The following LY6H variants were observed in gnomAD, a reference collection of about 807,000 sequenced individuals.
The protein encoded by LY6H is lymphocyte antigen 6 family member H, also known as lymphocyte antigen 6H.
In LY6H, 8 loss-of-function variants were observed where a neutral mutation model predicts 14.6. The observed-to-expected ratio is 0.55, with a 90% confidence interval of 0.32 to 0.99. The LOEUF (loss-of-function observed/expected upper bound fraction) is 0.99. Among genes scored for constraint, LY6H ranks in the 50% least tolerant of loss-of-function variants. The pLI is 0.04. For synonymous variants in LY6H, 115 were observed against 97.2 expected (o/e 1.18, Z -1.08); for missense variants, 196 against 219.6 (o/e 0.89, Z 0.68).
chr8:143,159,881 G>T, intron 1 of LY6H, 172 bp from the exon 2 acceptor site: 3 of 1,144,398 alleles, frequency 2.6e-6, no homozygotes, highest in Admixed American at 4.2e-5. Flanking sequence ...GCCGGGAGAC[G>T]TCTGGCCTCT....
chr8:143,158,125 A>G lies in LY6H; in HGVS notation c.*125T>C. On this transcript the variant is annotated 3_prime_UTR_variant, in exon 4 of 4. Coordinates refer to ENST00000342752, the MANE Select transcript of LY6H (RefSeq NM_001135655.2). ...GGCTTCACGTCGGGGGAGGAGTGAG[A>G]GCCACAGGCCACAGCCACGGAGCTG... is the stretch of plus-strand genomic sequence containing the variant. 1.6e-6 allele frequency: 1 copy of G among 638,978 alleles called. No individual in the cohort carries two copies. Among genetic ancestry groups the G allele is most frequent in the East Asian group, 2.8e-5 (1 of 36,124 alleles). 39.6% of individuals were successfully genotyped at this position (638,978 alleles called of 1,614,324 possible).
rs565230648 is a variant in LY6H at position 143,158,546 on chromosome 8, C to G, written c.251-61G>C. The G allele has an allele frequency of 1.0e-5, 15 of 1,459,382 alleles. 1 individual carries two copies. The highest frequency in any genetic ancestry group is 1.7e-4 in the Middle Eastern group (1 of 5,722). The allele number at this position is 1,459,382 out of a possible 1,614,324, so 90.4% of individuals were successfully genotyped here. On this transcript the variant is annotated intron_variant, in intron 3 of 3. Coordinates refer to ENST00000342752, the MANE Select transcript of LY6H (RefSeq NM_001135655.2). ...CTCCTGGGCCCTCTCTGCCTCATCCCGAGGACCCAGCCCAGGCCCCTCCGG... is the reference window on the plus strand; with the variant it reads ...CTCCTGGGCCCTCTCTGCCTCATCCGGAGGACCCAGCCCAGGCCCCTCCGG...
At position 143,158,010 on chromosome 8, in the gene LY6H, C is replaced by G. The variant is rs572157141; in HGVS notation, c.*240G>C. ...CCTCCGGGACCTGGGGGTCCCCCCCCACCCTCATCCCCAGGCCTCCTGCCC... is the reference window on the plus strand; with the variant it reads ...CCTCCGGGACCTGGGGGTCCCCCCCGACCCTCATCCCCAGGCCTCCTGCCC... On this transcript the variant is annotated 3_prime_UTR_variant, in exon 4 of 4. Coordinates refer to ENST00000342752, the MANE Select transcript of LY6H (RefSeq NM_001135655.2). 1.8e-4 allele frequency: 92 copies of G among 500,888 alleles called. No individual in the cohort carries two copies. The highest frequency in any genetic ancestry group is 1.3e-3 in the African/African-American group (66 of 50,970). 31.0% of individuals were successfully genotyped at this position (500,888 alleles called of 1,614,324 possible). A position where few individuals can be genotyped will look rare whatever the true frequency, so the allele number is the denominator to read the frequency against.
At chr8:143,159,430 C>T in intron 2 of LY6H, 152 bp downstream of exon 2, 2 of 875,070 alleles carry the variant, frequency 2.3e-6, no homozygotes, top group East Asian at 6.5e-5. Flanking sequence ...GGGCCGAGGG[C>T]CGGGCTGGGG....
At chr8:143,160,353 G>C (rs1366449814), upstream of LY6H, 1 of 447,052 alleles carries the variant, frequency 2.2e-6, no homozygotes, top group Non-Finnish European at 3.4e-6. Context: ...GGGCGGAGCC[G>C]GGGCGGGGGC....
In LY6H at chr8:143,160,296, G is replaced by C. The variant is rs1057498130; in HGVS notation, c.-97C>G. The C allele has an allele frequency of 1.7e-3, 1,800 of 1,050,484 alleles. 2 individuals are homozygous for C. The highest frequency in any genetic ancestry group is 2.1e-3 in the Non-Finnish European group (1,725 of 820,532). The allele number at this position is 1,050,484 out of a possible 1,614,324, so 65.1% of individuals were successfully genotyped here. A position where few individuals can be genotyped will look rare whatever the true frequency, so the allele number is the denominator to read the frequency against. ...CGGACCGGAATCCGGGCGCAGCCTC[G>C]TCTTTCGGGGAACGCAGCCGCAGAC... is the stretch of plus-strand genomic sequence containing the variant. On this transcript the variant is annotated 5_prime_UTR_variant, in exon 1 of 4. Coordinates refer to ENST00000342752, the MANE Select transcript of LY6H (RefSeq NM_001135655.2).
intron 2 of LY6H, 149 bp from the exon 3 acceptor site, chr8:143,159,071 G>A (rs1293400426): frequency 2.2e-5 from 24 of 1,103,432 alleles, no homozygotes; most frequent in Non-Finnish European, 3.2e-5. Flanking sequence ...CCCCTGGAGG[G>A]GGAGCAGAGG....
In LY6H at chr8:143,158,782, C is replaced by T. The variant is rs750807010; in HGVS notation, c.250+21G>A. Reference sequence around the variant, plus strand: ...AGCCTGGCTTTTAGCACATTCCCCACCACCCTAAGTCCCAACTTACTGCTG... The same window carrying T: ...AGCCTGGCTTTTAGCACATTCCCCATCACCCTAAGTCCCAACTTACTGCTG... On this transcript the variant is annotated intron_variant, in intron 3 of 3. Coordinates refer to ENST00000342752, the MANE Select transcript of LY6H (RefSeq NM_001135655.2). 3.2e-6 allele frequency: 5 copies of T among 1,564,768 alleles called. No homozygotes were observed. In the African/African-American group the frequency reaches 5.4e-5, roughly 17 times the overall value.
Position 143,158,257 on chromosome 8 carries a change from C to G in LY6H, c.479G>C (p.Gly160Ala). 6.2e-7 allele frequency: 1 copy of G among 1,610,094 alleles called. No homozygotes were observed. Among genetic ancestry groups the G allele is most frequent in the Non-Finnish European group, 8.5e-7 (1 of 1,177,612 alleles). The change falls in exon 4 of 4, where the codon GGG (glycine) becomes GCG (alanine). Residue 160 changes from glycine (G) to alanine (A), a missense_variant. Physicochemically the swap from Gly to Ala is moderately conservative, Grantham distance 60. Coordinates refer to ENST00000342752, the MANE Select transcript of LY6H (RefSeq NM_001135655.2). ...LSLGPALLWAGP is the reference protein window; with the variant it reads ...LSLGPALLWAAP ...CGTGGGAAGGAGGAGACATCAGGGC[C>G]CAGCCCAGAGGAGGGCAGGCCCCAG...
At chr8:143,159,847 A>G (rs1029092999) in intron 1 of LY6H, 138 bp from the exon 2 acceptor site, 110 of 1,152,892 alleles carry the variant, frequency 9.5e-5, no homozygotes, top group Admixed American at 1.3e-4. Flanking sequence ...CCTTCTCCAG[A>G]GCGTCCGCCG....
chr8:143,160,092 C>T (rs1815562567), intron 1 of LY6H, 106 bp downstream of exon 1: 7 of 1,007,656 alleles, frequency 6.9e-6, no homozygotes, highest in Middle Eastern at 7.2e-4. Context: ...GCTGGGGGGC[C>T]GGGAACCCCG....
chr8:143,159,717 G>A lies in LY6H; in HGVS notation c.3-8C>T, dbSNP rs1018851012. 9.5e-6 allele frequency: 13 copies of A among 1,365,398 alleles called. No homozygotes were observed. The highest frequency in any genetic ancestry group is 1.5e-5 in the African/African-American group (1 of 65,080). The allele number at this position is 1,365,398 out of a possible 1,614,324, so 84.6% of individuals were successfully genotyped here. A position where few individuals can be genotyped will look rare whatever the true frequency, so the allele number is the denominator to read the frequency against. On this transcript the variant is annotated splice_polypyrimidine_tract_variant and splice_region_variant and intron_variant, in intron 1 of 3. Transcript: ENST00000342752. ...GTCCTCTGGGGCGCAAGCCTGGAGGGGAGAAGCATCGGTCAGGAGACCCCA... is the reference window on the plus strand; with the variant it reads ...GTCCTCTGGGGCGCAAGCCTGGAGGAGAGAAGCATCGGTCAGGAGACCCCA...
rs1362761973 is a variant in LY6H at position 143,160,302 on chromosome 8, C to G, written c.-103G>C. 3 of 1,006,132 alleles carry G rather than the reference C, an allele frequency of 3.0e-6. No individual in the cohort carries two copies. Among genetic ancestry groups the G allele is most frequent in the Non-Finnish European group, 3.8e-6 (3 of 784,644 alleles). 62.3% of individuals were successfully genotyped at this position (1,006,132 alleles called of 1,614,324 possible). A position where few individuals can be genotyped will look rare whatever the true frequency, so the allele number is the denominator to read the frequency against. On this transcript the variant is annotated 5_prime_UTR_variant, in exon 1 of 4. Coordinates refer to ENST00000342752, the MANE Select transcript of LY6H (RefSeq NM_001135655.2). Reference sequence around the variant, plus strand: ...GGAATCCGGGCGCAGCCTCGTCTTTCGGGGAACGCAGCCGCAGACGCGGAC... The same window carrying G: ...GGAATCCGGGCGCAGCCTCGTCTTTGGGGGAACGCAGCCGCAGACGCGGAC...
chr8:143,159,106 T>C (rs1256954153), intron 2 of LY6H, 184 bp from the exon 3 acceptor site: 1 of 815,314 alleles, frequency 1.2e-6, no homozygotes, highest in Non-Finnish European at 2.0e-6. Context: ...TGCCCCATCC[T>C]GGCAGTTTGA....
rs1387906006 is a variant in LY6H at position 143,159,688 on chromosome 8, G to A, written c.24C>T (p.Arg8=). MLAPQRT[R]APSPRAAPRP... ...TGGGGGCGGCGCGGGGGCTTGGGGC[G>A]CGGGTCCTCTGGGGCGCAAGCCTGG... Residue 8 remains arginine (R), a synonymous_variant, in exon 2 of 4, where the codon CGC becomes CGT. Transcript: ENST00000342752. 226 of 1,388,530 alleles carry A rather than the reference G, an allele frequency of 1.6e-4. No individual in the cohort carries two copies. Among genetic ancestry groups the A allele is most frequent in the Non-Finnish European group, 2.1e-4 (224 of 1,081,344 alleles). The allele number at this position is 1,388,530 out of a possible 1,614,324, so 86.0% of individuals were successfully genotyped here.
intron 2 of LY6H, chr8:143,159,123 C>A: frequency 1.5e-6 from 1 of 669,248 alleles, no homozygotes; most frequent in Non-Finnish European, 2.6e-6. Flanking sequence ...TTGAGGGGAG[C>A]CCCTATGGCC....
At chr8:143,160,336 A>C, upstream of LY6H, 2 of 530,584 alleles carry the variant, frequency 3.8e-6, no homozygotes, top group Non-Finnish European at 5.2e-6. Context: ...ACCCCGCGCG[A>C]GGGGCGGGGC....
chr8:143,159,525 C>G, intron 2 of LY6H, 57 bp downstream of exon 2: 1 of 1,437,684 alleles, frequency 7.0e-7, no homozygotes, highest in Non-Finnish European at 9.0e-7. Flanking sequence ...CCCGGCTCTC[C>G]CGCGGCGCCT....
At chr8:143,160,333 G>T, upstream of LY6H, 1 of 684,368 alleles carries the variant, frequency 1.5e-6, no homozygotes, top group Non-Finnish European at 2.0e-6. Flanking sequence ...CGGACCCCGC[G>T]CGAGGGGCGG....
Sources: gnomAD v4.1 joint callset for allele counts on GRCh38, gnomAD v4.1.1 for gene constraint, MANE v1.5 for transcripts, NCBI Gene and HGNC (gene_info 2026-07-23, HGNC 2026-07-21) for gene names.